Variants in POLR3H observed in about 807,000 individuals in gnomAD.
POLR3H encodes the protein RNA polymerase III subunit H.
Under a neutral mutation model 25.5 loss-of-function variants are expected in POLR3H, and 17 were observed. The observed-to-expected ratio is 0.67, with a 90% CI of 0.46 to 1.00. The LOEUF (loss-of-function observed/expected upper bound fraction) is 1.00, where lower values mean the gene tolerates loss of function less well. Ranked by LOEUF, POLR3H falls within the 50% of genes least tolerant of loss-of-function variation. The probability of loss-of-function intolerance (pLI) is 0.00; values close to 1 mark genes in which losing one functional copy is unlikely to be tolerated. For synonymous variants in POLR3H, 129 were observed against 103.0 expected (o/e 1.25, Z -1.53); for missense variants, 274 against 265.0 (o/e 1.03, Z -0.24).
At chr22:41,529,751 CT>C (rs1198310332) in intron 5 of POLR3H, 25 of 450,214 alleles carry the variant, frequency 5.6e-5, no homozygotes, top group Non-Finnish European at 9.0e-5. Context: ...GGAGCCCTAC[CT>C]TTTTTTTGTT....
intron 2 of POLR3H, 90 bp downstream of exon 2, chr22:41,540,609 C>T (rs753348945): frequency 1.5e-5 from 14 of 963,836 alleles, no homozygotes; most frequent in Admixed American, 8.7e-5. Context: ...CTTACAGGCA[C>T]GCACCACTGA....
Position 41,527,526 on chromosome 22 carries a change from G to A in POLR3H, c.*1757C>T. ...GGCCTGGTTCTAGGCTGTGTCCACT[G>A]CAGCCCACAGGCCCGTCAGCCTCTT... On this transcript the variant is annotated 3_prime_UTR_variant, in exon 6 of 6. Transcript: ENST00000355209. 1 of 1,441,380 alleles carries A rather than the reference G, an allele frequency of 6.9e-7. No individual in the cohort carries two copies. The highest frequency in any genetic ancestry group is 1.4e-5 in the African/African-American group (1 of 70,838). 89.3% of individuals were successfully genotyped at this position (1,441,380 alleles called of 1,614,324 possible).
In POLR3H at chr22:41,529,046, AGTCAAG is replaced by A. The variant is rs1400105096; in HGVS notation, c.*231_*236del. The A allele has an allele frequency of 6.2e-5, 35 of 565,684 alleles. No individual in the cohort carries two copies. The highest frequency in any genetic ancestry group is 1.0e-4 in the Non-Finnish European group (33 of 318,976). The allele number at this position is 565,684 out of a possible 1,614,324, so 35.0% of individuals were successfully genotyped here. On this transcript the variant is annotated 3_prime_UTR_variant, in exon 6 of 6. Transcript: ENST00000355209. ...TCCAGGGTCCAGGAAGGGTCTTTTC[AGTCAAG>A]GTCAGTGGAGGCCCAACAGCCACAG... is the stretch of plus-strand genomic sequence containing the variant.
Position 41,529,286 on chromosome 22 carries a change from G to C in POLR3H, c.612C>G (p.Asn204Lys). ...GLGLLSWWTS[N>K] ...GGTCCACTGTCCAGCCCCAGGGCTA[G>C]TTGCTGGTCCACCAGGAGAGAAGGC... The change falls in exon 6 of 6, where the codon AAC becomes AAG. Residue 204 changes from asparagine to lysine, a missense_variant. Asn to Lys is a moderately conservative substitution (Grantham distance 94). Coordinates refer to ENST00000355209, the MANE Select transcript of POLR3H (RefSeq NM_001018050.4). The C allele has an allele frequency of 6.2e-7, 1 of 1,613,396 alleles. No homozygotes were observed. Among genetic ancestry groups the C allele is most frequent in the Non-Finnish European group, 8.5e-7 (1 of 1,179,794 alleles).
At position 41,544,415 on chromosome 22, in the gene POLR3H, T is replaced by G. The variant is rs909153255; in HGVS notation, c.-314A>C. ...CCGCACCCGCGCCACGTGCCGCCGC[T>G]CGTATCACGCACCACGCACCACGCA... On this transcript the variant is annotated 5_prime_UTR_variant, in exon 1 of 6. Coordinates refer to ENST00000355209, the MANE Select transcript of POLR3H (RefSeq NM_001018050.4). 2 of 189,518 alleles carry G rather than the reference T, an allele frequency of 1.1e-5. No homozygotes were observed. The highest frequency in any genetic ancestry group is 9.4e-5 in the Admixed American group (1 of 10,586). 11.7% of individuals were successfully genotyped at this position (189,518 alleles called of 1,614,324 possible). A position where few individuals can be genotyped will look rare whatever the true frequency, so the allele number is the denominator to read the frequency against.
At position 41,526,262 on chromosome 22, in the gene POLR3H, G is replaced by A. The variant is rs773950353; in HGVS notation, c.*3021C>T. On this transcript the variant is annotated 3_prime_UTR_variant, in exon 6 of 6. Transcript: ENST00000355209. Reference sequence around the variant, plus strand: ...CTGTCCTCTCTACTTACCACCCAAGGTCAAAGGGAAGTGTACCACTGACCA... The same window carrying A: ...CTGTCCTCTCTACTTACCACCCAAGATCAAAGGGAAGTGTACCACTGACCA... 2 of 1,611,468 alleles carry A rather than the reference G, an allele frequency of 1.2e-6. No individual in the cohort carries two copies. Among genetic ancestry groups the A allele is most frequent in the Non-Finnish European group, 1.7e-6 (2 of 1,179,440 alleles).
At chr22:41,542,521 A>C (rs1248493883) in intron 1 of POLR3H, among the ~76,000 whole-genome samples, 1 of 150,374 alleles carries the variant, frequency 6.7e-6, no homozygotes, top group African/African-American at 2.5e-5. Context: ...CTTCAACCCC[A>C]CCTCCTCAAC....
intron 1 of POLR3H, among the ~76,000 whole-genome samples, chr22:41,542,848 C>T (rs958325558): frequency 7.9e-5 from 12 of 152,068 alleles, no homozygotes; most frequent in Admixed American, 4.6e-4. Context: ...ACTAAAAGTA[C>T]AAAAATTAGC....
In POLR3H at chr22:41,527,078, T is replaced by G; in HGVS notation, c.*2205A>C. On this transcript the variant is annotated 3_prime_UTR_variant, in exon 6 of 6. Coordinates refer to ENST00000355209, the MANE Select transcript of POLR3H (RefSeq NM_001018050.4). ...TTCTTTGCCACTGCAAACAACCACG[T>G]GCCTCTGTCCCCTCGGGGCCTCGTT... The G allele has an allele frequency of 1.5e-6, 1 of 661,860 alleles. No homozygotes were observed. 41.0% of individuals were successfully genotyped at this position (661,860 alleles called of 1,614,324 possible).
intron 1 of POLR3H, among the ~76,000 whole-genome samples, chr22:41,541,407 T>C (rs2066927325): frequency 6.6e-6 from 1 of 152,138 alleles, no homozygotes; most frequent in Non-Finnish European, 1.5e-5. Context: ...GCCCCAAGAA[T>C]GTGCAGAAAT....
chr22:41,534,572 G>A (rs2066808466), intron 2 of POLR3H, among the ~76,000 whole-genome samples: 1 of 152,142 alleles, frequency 6.6e-6, no homozygotes, highest in African/African-American at 2.4e-5. Context: ...CTACTGGGCG[G>A]GGTTTCTTTG....
rs540778622 is a variant in POLR3H, at chr22:41,528,994, T to C, written c.*289A>G. On this transcript the variant is annotated 3_prime_UTR_variant, in exon 6 of 6. Transcript: ENST00000355209. ...AAACCAGTGACTGTTCTGTGAGTGA[T>C]TGGTGTCTGTGCCGTTTGTTGTCAA... 16 of 533,994 alleles carry C rather than the reference T, an allele frequency of 3.0e-5. No individual in the cohort carries two copies. The highest frequency in any genetic ancestry group is 4.3e-5 in the Non-Finnish European group (13 of 302,982). The allele number at this position is 533,994 out of a possible 1,614,324, so 33.1% of individuals were successfully genotyped here.
rs1352560615 is a variant in POLR3H at position 41,527,555 on chromosome 22, C to G, written c.*1728G>C. On this transcript the variant is annotated 3_prime_UTR_variant, in exon 6 of 6. Transcript: ENST00000355209. ...CCCACAGGCCCGTCAGCCTCTTGCC[C>G]CTTCTTAGGCTCACACAGTGCACAT... is the stretch of plus-strand genomic sequence containing the variant. The G allele has an allele frequency of 8.0e-7, 1 of 1,246,270 alleles. No individual in the cohort carries two copies. 77.2% of individuals were successfully genotyped at this position (1,246,270 alleles called of 1,614,324 possible).
chr22:41,530,955 C>T (rs530225605), intron 4 of POLR3H, 67 bp from the exon 5 acceptor site: 64 of 1,497,686 alleles, frequency 4.3e-5, no homozygotes, highest in Admixed American at 3.4e-4. Flanking sequence ...ACCCACTCCC[C>T]GACCCCGCAG....
rs1416821063 is a variant in POLR3H at position 41,528,081 on chromosome 22, T to G, written c.*1202A>C. Reference sequence around the variant, plus strand: ...TGAGGGGCAGCCACCTTGTTTCCCCTCCTGCACTGGCCCCAGGGTAGCTTC... The same window carrying G: ...TGAGGGGCAGCCACCTTGTTTCCCCGCCTGCACTGGCCCCAGGGTAGCTTC... On this transcript the variant is annotated 3_prime_UTR_variant, in exon 6 of 6. Transcript: ENST00000355209. 5.2e-5 allele frequency: 83 copies of G among 1,609,966 alleles called. No homozygotes were observed. Among genetic ancestry groups the G allele is most frequent in the Non-Finnish European group, 6.8e-5 (80 of 1,178,542 alleles).
At chr22:41,531,500 A>G (rs2066733690) in intron 4 of POLR3H, among the ~76,000 whole-genome samples, 1 of 152,242 alleles carries the variant, frequency 6.6e-6, no homozygotes, top group Admixed American at 6.5e-5. Context: ...CTCTGGTGGC[A>G]GTCCCACTGT....
intron 4 of POLR3H, among the ~76,000 whole-genome samples, chr22:41,531,828 A>G (rs1013115213): frequency 2.0e-5 from 3 of 152,230 alleles, no homozygotes; most frequent in Admixed American, 2.0e-4. Flanking sequence ...CCCCCAGGAC[A>G]CCACAGCTCT....
chr22:41,528,342 GCA>G lies in POLR3H; in HGVS notation c.*939_*940del, dbSNP rs2066647499. On this transcript the variant is annotated 3_prime_UTR_variant, in exon 6 of 6. Transcript: ENST00000355209. ...ACCTGGGTCTGACCTGGGCCATCAG[GCA>G]CAGACTGGCCTAGGATTTGGTTTGC... 4 of 1,287,158 alleles carry G rather than the reference GCA, an allele frequency of 3.1e-6. No individual in the cohort carries two copies. Among genetic ancestry groups the G allele is most frequent in the African/African-American group, 3.0e-5 (2 of 66,674 alleles). 79.7% of individuals were successfully genotyped at this position (1,287,158 alleles called of 1,614,324 possible).
rs575102992 is a variant in POLR3H at position 41,543,130 on chromosome 22, A to C, written c.111+861T>G. Among the ~76,000 whole-genome samples the C allele has an allele frequency of 4.6e-5, 7 of 152,154 alleles. No homozygotes were observed. In the South Asian group the frequency reaches 1.4e-3, roughly 32 times the overall value. The stretch of plus-strand genomic sequence containing the variant: ...GCTCTCAAGGAGAGGGAAAGGAAAA[A>C]GTCTAAGAAGGAAAGAGAGTGATGT... On this transcript the variant is annotated intron_variant, in intron 1 of 5. Transcript: ENST00000355209.
Sources: allele counts gnomAD v4.1 joint callset (sites outside exome capture counted in the v4.1 genomes callset), GRCh38; gene constraint gnomAD v4.1.1; transcripts MANE v1.5; gene names NCBI Gene and HGNC (gene_info 2026-07-23, HGNC 2026-07-21).